The following TMTC1 variants were observed in gnomAD, a reference collection of about 807,000 sequenced individuals.
The protein encoded by TMTC1 is protein O-mannosyl-transferase TMTC1.
In TMTC1, 73 loss-of-function variants were observed where a neutral mutation model predicts 104.8. The ratio of observed to expected loss-of-function variants is 0.70; its 90% confidence interval spans 0.58 to 0.85. TMTC1 has a LOEUF of 0.85. TMTC1 is among the 40% of genes least tolerant of loss of function. The pLI is 0.00. For synonymous variants in TMTC1, 434 were observed against 428.7 expected (o/e 1.01, Z -0.15); for missense variants, 1,035 against 1,096.1 (o/e 0.94, Z 0.79).
intron 10 of TMTC1, among the ~76,000 whole-genome samples, chr12:29,551,634 T>C (rs1432189555): frequency 6.6e-6 from 1 of 152,192 alleles, no homozygotes; most frequent in Non-Finnish European, 1.5e-5. Flanking sequence ...ATTTCAGTAA[T>C]AAACACCAAC....
intron 6 of TMTC1, among the ~76,000 whole-genome samples, chr12:29,609,655 A>G (rs1218720553): frequency 6.6e-6 from 1 of 152,270 alleles, no homozygotes; most frequent in Non-Finnish European, 1.5e-5. Context: ...AACTGACTTC[A>G]TCTTCAACGT....
chr12:29,768,754 GAT>G (rs1353101433), intron 1 of TMTC1, among the ~76,000 whole-genome samples: 1 of 152,192 alleles, frequency 6.6e-6, no homozygotes, highest in Non-Finnish European at 1.5e-5. Context: ...CTCAGTACCT[GAT>G]TTCTAAGACT....
At chr12:29,656,482 G>A (rs1004788427) in intron 5 of TMTC1, among the ~76,000 whole-genome samples, 1 of 151,208 alleles carries the variant, frequency 6.6e-6, no homozygotes. Flanking sequence ...AGCCTCCCAA[G>A]TAGCTGGGAT....
chr12:29,666,228 C>CTTTTTT (rs751968439), intron 5 of TMTC1: 86 of 366,232 alleles, frequency 2.3e-4, no homozygotes, highest in East Asian at 4.0e-4. Flanking sequence ...TTTCTTTTTT[C>CTTTTTT]TTTTTTTTTT....
intron 7 of TMTC1, among the ~76,000 whole-genome samples, chr12:29,595,470 C>T (rs956994299): frequency 2.0e-5 from 3 of 152,216 alleles, no homozygotes; most frequent in African/African-American, 7.2e-5. Flanking sequence ...CCTTCTGCTT[C>T]CCTTCCTGGT....
At chr12:29,756,838 A>AT (rs918652092) in intron 3 of TMTC1, among the ~76,000 whole-genome samples, 6 of 152,108 alleles carry the variant, frequency 3.9e-5, no homozygotes, top group Non-Finnish European at 8.8e-5. Context: ...GTAGAGAGGC[A>AT]TTTTTTTCTA....
chr12:29,508,720 T>G (rs1041058446), intron 17 of TMTC1, among the ~76,000 whole-genome samples: 5 of 151,996 alleles, frequency 3.3e-5, no homozygotes, highest in African/African-American at 1.2e-4. Flanking sequence ...ACTACAGGCG[T>G]GCACCACAAC....
intron 1 of TMTC1, among the ~76,000 whole-genome samples, chr12:29,771,015 T>C (rs1040020031): frequency 1.3e-5 from 2 of 152,136 alleles, no homozygotes; most frequent in Admixed American, 1.3e-4. Context: ...TAAGATAGAT[T>C]TGTAGCAAAC....
intron 5 of TMTC1, among the ~76,000 whole-genome samples, chr12:29,643,606 ATATATAATATATATC>A (rs1308938197): frequency 3.9e-5 from 2 of 51,268 alleles, no homozygotes; most frequent in African/African-American, 1.9e-4. Flanking sequence ...ATTATATATT[ATATATAATATATATC>A]TATATATTAT....
chr12:29,656,355 T>C (rs1208410048), intron 5 of TMTC1, among the ~76,000 whole-genome samples: 1 of 147,180 alleles, frequency 6.8e-6, no homozygotes, highest in East Asian at 2.0e-4. Flanking sequence ...CATACACATA[T>C]ACTTTTTTTT....
rs1027649829 is a variant in TMTC1 at position 29,517,340 on chromosome 12, C to T, written c.2169+87G>A. 7 of 1,454,702 alleles carry T rather than the reference C, an allele frequency of 4.8e-6. No homozygotes were observed. The Admixed American group carries it at 1.2e-4, about 24-fold the overall frequency. The allele number at this position is 1,454,702 out of a possible 1,614,324, so 90.1% of individuals were successfully genotyped here. ...CAGTGGATATATTACGGCATTCCAG[C>T]TCCAGTTTTGAGGCGTGAGGACTAC... On this transcript the variant is annotated intron_variant, in intron 14 of 17. Coordinates refer to ENST00000539277, the MANE Select transcript of TMTC1 (RefSeq NM_001193451.2).
At position 29,616,632 on chromosome 12, in the gene TMTC1, G is replaced by T. The variant is rs144941898; in HGVS notation, c.1129-12333C>A. On this transcript the variant is annotated intron_variant, in intron 6 of 17. Coordinates refer to ENST00000539277, the MANE Select transcript of TMTC1 (RefSeq NM_001193451.2). ...GCAGTGAGCTGAGATCATGTCATTTGCACTCCAGCCTGGGCAACAAGAGCA... is the reference window on the plus strand; with the variant it reads ...GCAGTGAGCTGAGATCATGTCATTTTCACTCCAGCCTGGGCAACAAGAGCA... 7.7e-3 allele frequency among the ~76,000 whole-genome samples: 1,064 copies of T among 138,412 alleles called. 9 individuals carry two copies. Among genetic ancestry groups the T allele is most frequent in the African/African-American group, 0.028 (1,016 of 36,634 alleles). 90.8% of individuals were successfully genotyped at this position (138,412 alleles called of 152,430 possible). A position where few individuals can be genotyped will look rare whatever the true frequency, so the allele number is the denominator to read the frequency against.
At chr12:29,570,890 C>A (rs1488420220) in intron 9 of TMTC1, among the ~76,000 whole-genome samples, 1 of 148,700 alleles carries the variant, frequency 6.7e-6, no homozygotes, top group East Asian at 2.0e-4. Flanking sequence ...CACCCCCCCC[C>A]CCCGCCAAAA....
At chr12:29,536,959 C>T (rs1269519211) in intron 10 of TMTC1, among the ~76,000 whole-genome samples, 2 of 152,182 alleles carry the variant, frequency 1.3e-5, no homozygotes, top group Non-Finnish European at 2.9e-5. Flanking sequence ...CCAGTGATGA[C>T]ACTTCCTTTT....
chr12:29,512,742 T>A (rs1266624512), intron 16 of TMTC1, among the ~76,000 whole-genome samples: 1 of 152,200 alleles, frequency 6.6e-6, no homozygotes, highest in Non-Finnish European at 1.5e-5. Context: ...CTGAATAACA[T>A]GTATCCTATT....
In TMTC1 at chr12:29,520,603, T is replaced by C. The variant is rs1283881998; in HGVS notation, c.1888+15A>G. The C allele has an allele frequency of 3.1e-6, 5 of 1,595,146 alleles. No homozygotes were observed. The highest frequency in any genetic ancestry group is 2.2e-5 in the South Asian group (2 of 89,748). On this transcript the variant is annotated intron_variant, in intron 12 of 17. Coordinates refer to ENST00000539277, the MANE Select transcript of TMTC1 (RefSeq NM_001193451.2). Reference sequence around the variant, plus strand: ...GCTAATCTCAGCAGTACAGTTTCTCTTTAATTTCACTTACCAGTATCAACT... The same window carrying C: ...GCTAATCTCAGCAGTACAGTTTCTCCTTAATTTCACTTACCAGTATCAACT...
At chr12:29,583,129 T>C (rs1043889348) in intron 8 of TMTC1, among the ~76,000 whole-genome samples, 3 of 152,198 alleles carry the variant, frequency 2.0e-5, no homozygotes, top group Non-Finnish European at 4.4e-5. Context: ...CTGCTCATCA[T>C]TAAAACTGTT....
intron 11 of TMTC1, among the ~76,000 whole-genome samples, chr12:29,527,058 A>G (rs115025117): frequency 1.8e-4 from 28 of 152,324 alleles, no homozygotes; most frequent in African/African-American, 4.3e-4. Context: ...TTGAGGTCAA[A>G]AAGACTTCAT....
rs200605964 is a variant in TMTC1, at chr12:29,550,933, C to CAAAA, written c.1676+5920_1676+5923dup. On this transcript the variant is annotated intron_variant, in intron 10 of 17. Transcript: ENST00000539277. ...TGGGGGAGAGAGTGGGACTCCATCT[C>CAAAA]AAAAAAAAAAAAAAAAAAAAAAAAA... Among the ~76,000 whole-genome samples, 27 of 108,314 alleles carry CAAAA rather than the reference C, an allele frequency of 2.5e-4. 3 individuals are homozygous for CAAAA. Among genetic ancestry groups the CAAAA allele is most frequent in the African/African-American group, 9.1e-4 (23 of 25,280 alleles). 71.1% of individuals were successfully genotyped at this position (108,314 alleles called of 152,430 possible).
Sources: gnomAD v4.1 joint callset for allele counts (sites outside exome capture counted in the v4.1 genomes callset) on GRCh38, gnomAD v4.1.1 for gene constraint, MANE v1.5 for transcripts, NCBI Gene and HGNC (gene_info 2026-07-23, HGNC 2026-07-21) for gene names.